The following NCAM2 variants were observed in gnomAD, a reference collection of about 807,000 sequenced individuals.
The protein encoded by NCAM2 is neural cell adhesion molecule 2.
In NCAM2, 30 loss-of-function variants were observed where a neutral mutation model predicts 98.1. The ratio of observed to expected loss-of-function variants is 0.31; its 90% CI spans 0.23 to 0.41. The LOEUF is 0.41. NCAM2 is among the 10% of genes least tolerant of loss of function. The pLI is 1.00. For missense variants in NCAM2, 867 were observed against 1,005.8 expected (o/e 0.86, Z 1.87); for synonymous variants, 368 against 342.4 (o/e 1.07, Z -0.83).
At chr21:21,517,698 A>G (rs953338312) in intron 16 of NCAM2, among the ~76,000 whole-genome samples, 8 of 152,102 alleles carry the variant, frequency 5.3e-5, no homozygotes, top group Non-Finnish European at 1.0e-4. Context: ...TCTTTACTAA[A>G]AATACAAAAA....
chr21:21,099,118 A>G (rs574172311), intron 1 of NCAM2, among the ~76,000 whole-genome samples: 7 of 151,994 alleles, frequency 4.6e-5, no homozygotes, highest in African/African-American at 1.7e-4. Flanking sequence ...AAGTGGGTGA[A>G]AAAATAAAAT....
chr21:21,184,154 G>A (rs967511358), intron 1 of NCAM2, among the ~76,000 whole-genome samples: 7 of 152,016 alleles, frequency 4.6e-5, no homozygotes, highest in African/African-American at 9.6e-5. Flanking sequence ...AATTATATAC[G>A]ATGGTTTGAA....
chr21:21,282,086 CA>C (rs1382377624), intron 2 of NCAM2, among the ~76,000 whole-genome samples: 1 of 151,648 alleles, frequency 6.6e-6, no homozygotes, highest in African/African-American at 2.4e-5. Context: ...GAGATTGATT[CA>C]GCATCATATA....
At chr21:21,475,015 TATATATAATACAC>T (rs1984981028) in intron 14 of NCAM2, among the ~76,000 whole-genome samples, 1 of 144,738 alleles carries the variant, frequency 6.9e-6, no homozygotes, top group African/African-American at 2.6e-5. Flanking sequence ...TTATAATACA[TATATATAATACAC>T]ATATATAATG....
chr21:21,407,177 A>G (rs1457768385), intron 9 of NCAM2, among the ~76,000 whole-genome samples: 1 of 152,218 alleles, frequency 6.6e-6, no homozygotes, highest in Non-Finnish European at 1.5e-5. Context: ...CTGGCCCAGT[A>G]CCAAGTTGTT....
intron 1 of NCAM2, among the ~76,000 whole-genome samples, chr21:21,083,187 G>T (rs182365441): frequency 6.6e-6 from 1 of 152,128 alleles, no homozygotes; most frequent in Non-Finnish European, 1.5e-5. Flanking sequence ...GCTTCTTAAC[G>T]TGGTACATGG....
intron 1 of NCAM2, among the ~76,000 whole-genome samples, chr21:21,146,772 A>G (rs1660434037): frequency 6.6e-6 from 1 of 152,148 alleles, no homozygotes; most frequent in African/African-American, 2.4e-5. Flanking sequence ...GATAACACCA[A>G]AAACATGGTA....
chr21:21,035,861 G>A (rs544072191), intron 1 of NCAM2, among the ~76,000 whole-genome samples: 1 of 152,202 alleles, frequency 6.6e-6, no homozygotes, highest in Non-Finnish European at 1.5e-5. Flanking sequence ...AAATAACCAT[G>A]GTTAAAGACA....
chr21:21,004,347 CAA>C (rs1399172838), intron 1 of NCAM2, among the ~76,000 whole-genome samples: 1 of 152,094 alleles, frequency 6.6e-6, no homozygotes, highest in African/African-American at 2.4e-5. Flanking sequence ...ACCAATGAGT[CAA>C]GAGACAATTA....
chr21:21,447,058 T>C (rs966281848), intron 12 of NCAM2, among the ~76,000 whole-genome samples: 2 of 151,968 alleles, frequency 1.3e-5, no homozygotes, highest in Non-Finnish European at 2.9e-5. Context: ...CTACTTTAAA[T>C]TTCATAGGGA....
At chr21:21,110,039 T>C (rs2066423962) in intron 1 of NCAM2, among the ~76,000 whole-genome samples, 1 of 152,222 alleles carries the variant, frequency 6.6e-6, no homozygotes, top group Non-Finnish European at 1.5e-5. Context: ...TTCAAGGGAC[T>C]GCTTCAAACC....
intron 9 of NCAM2, among the ~76,000 whole-genome samples, chr21:21,403,270 TCTG>T (rs752214219): frequency 1.4e-3 from 218 of 152,292 alleles, no homozygotes; most frequent in South Asian, 2.5e-3. Context: ...TTAATGTTCT[TCTG>T]GGAATCTTTC....
chr21:21,344,190 T>A lies in NCAM2; in HGVS notation c.1044+5656T>A, dbSNP rs545165028. On this transcript the variant is annotated intron_variant, in intron 8 of 17. Coordinates refer to ENST00000400546, the MANE Select transcript of NCAM2 (RefSeq NM_004540.5). ...ATGAAAGGACCCAGTCCTGGCAGCATTCATCAATGGCTAACTAAAGAGCCC... is the reference window on the plus strand; with the variant it reads ...ATGAAAGGACCCAGTCCTGGCAGCAATCATCAATGGCTAACTAAAGAGCCC... Among the ~76,000 whole-genome samples the A allele has an allele frequency of 6.6e-5, 10 of 152,300 alleles. No individual in the cohort carries two copies. In the South Asian group the frequency reaches 2.1e-3, roughly 32 times the overall value.
At chr21:21,286,129 G>A in intron 3 of NCAM2, 140 bp from the exon 4 acceptor site, 1 of 919,558 alleles carries the variant, frequency 1.1e-6, no homozygotes, top group Non-Finnish European at 1.6e-6. Context: ...AGATTATCTA[G>A]TTTAAGATTT....
At chr21:21,066,431 C>G (rs78247719) in intron 1 of NCAM2, among the ~76,000 whole-genome samples, 5,507 of 151,976 alleles carry the variant, frequency 0.036, 313 homozygotes, top group African/African-American at 0.12. Context: ...CACACACACA[C>G]AGATATACAC....
At chr21:21,407,483 T>G (rs903267224) in intron 9 of NCAM2, among the ~76,000 whole-genome samples, 6 of 152,130 alleles carry the variant, frequency 3.9e-5, no homozygotes, top group African/African-American at 1.4e-4. Flanking sequence ...ACAACAAATC[T>G]TACCCTCAGT....
rs757571522 is a variant in NCAM2 at position 20,998,580 on chromosome 21, C to T, written c.17C>T (p.Ser6Phe). MSLLL[S>F]FYLLGLLVSS... Reference sequence around the variant, plus strand: ...GTCCTGAACATGAGCCTCCTCCTCTCCTTCTACCTGCTGGGGTTGCTTGTC... The same window carrying T: ...GTCCTGAACATGAGCCTCCTCCTCTTCTTCTACCTGCTGGGGTTGCTTGTC... Residue 6 changes from serine to phenylalanine, a missense_variant, in exon 1 of 18, where the codon TCC (serine) becomes TTC (phenylalanine). This residue lies in a region of NCAM2 where 447 missense variants were observed against 495.7 expected (regional missense o/e 0.90). Transcript: ENST00000400546. The T allele has an allele frequency of 6.2e-7, 1 of 1,614,114 alleles. No homozygotes were observed. Among genetic ancestry groups the T allele is most frequent in the Non-Finnish European group, 8.5e-7 (1 of 1,179,994 alleles).
intron 17 of NCAM2, among the ~76,000 whole-genome samples, chr21:21,535,388 CT>C (rs1483053182): frequency 6.6e-6 from 1 of 151,976 alleles, no homozygotes; most frequent in African/African-American, 2.4e-5. Context: ...ACCAAAAAAA[CT>C]TTTTAATTTT....
At chr21:21,068,707 C>G (rs1457211423) in intron 1 of NCAM2, among the ~76,000 whole-genome samples, 1 of 152,098 alleles carries the variant, frequency 6.6e-6, no homozygotes. Context: ...ATCTGCCCAC[C>G]TCGGTCTCCC....
Sources: gnomAD v4.1 joint callset for allele counts (sites outside exome capture counted in the v4.1 genomes callset) on GRCh38, gnomAD v4.1.1 for gene constraint, gnomAD v4.1.1 regional missense constraint, MANE v1.5 for transcripts, NCBI Gene and HGNC (gene_info 2026-07-23, HGNC 2026-07-21) for gene names.